Variants in RNASEH1 observed in about 807,000 individuals in gnomAD.
RNASEH1 encodes ribonuclease H1, also known as ribonuclease H type II.
RNASEH1 carries 27 observed loss-of-function variants against 34.6 expected under a neutral mutation model. The ratio of observed to expected loss-of-function variants is 0.78; its 90% confidence interval spans 0.58 to 1.08. RNASEH1 has a LOEUF of 1.08. RNASEH1 is among the 50% of genes least tolerant of loss of function. RNASEH1 has a pLI of 0.00. For synonymous variants in RNASEH1, 162 were observed against 138.4 expected (o/e 1.17, Z -1.20); for missense variants, 349 against 373.6 (o/e 0.93, Z 0.54).
downstream of RNASEH1, chr2:3,536,852 T>TGCAGAGGCTCCTTCCTGGCTC (rs1247883052): frequency 1.3e-5 from 2 of 152,320 alleles, no homozygotes; most frequent in African/African-American, 4.8e-5. Flanking sequence ...GTTCCGTTTC[T>TGCAGAGGCTCCTTCCTGGCTC]GCAGAGGCTC....
Position 3,545,290 on chromosome 2 carries a change from C to A in RNASEH1, c.*495G>T, listed in dbSNP as rs867189506. 6.1e-6 allele frequency: 1 copy of A among 164,564 alleles called. No individual in the cohort carries two copies. Among genetic ancestry groups the A allele is most frequent in the Non-Finnish European group, 1.3e-5 (1 of 74,706 alleles). 10.2% of individuals were successfully genotyped at this position (164,564 alleles called of 1,614,324 possible). A position where few individuals can be genotyped will look rare whatever the true frequency, so the allele number is the denominator to read the frequency against. The stretch of plus-strand genomic sequence containing the variant: ...GGGCTGAGACCCAGCACACATCCTG[C>A]CCACTGAGCTGTCCGCCCAGGCCCT... On this transcript the variant is annotated 3_prime_UTR_variant, in exon 8 of 8. Coordinates refer to ENST00000315212, the MANE Select transcript of RNASEH1 (RefSeq NM_002936.6).
intron 3 of RNASEH1, among the ~76,000 whole-genome samples, chr2:3,550,890 T>C (rs910560251): frequency 3.9e-5 from 6 of 152,254 alleles, no homozygotes; most frequent in African/African-American, 1.4e-4. Flanking sequence ...CCCAGTCTCC[T>C]GACCAGTGCT....
downstream of RNASEH1, among the ~76,000 whole-genome samples, chr2:3,538,865 G>T (rs1419648863): frequency 6.6e-6 from 1 of 152,196 alleles, no homozygotes; most frequent in Non-Finnish European, 1.5e-5. Flanking sequence ...GTGAGCACAC[G>T]TTTCCAGGCA....
At position 3,543,458 on chromosome 2, in the gene RNASEH1, CTGTGCACACATGTATGCACACA is replaced by C. The variant is rs1373822652; in HGVS notation, c.*2305_*2326del. ...AGCTATCAATGACTGTGCGTGTGGT[CTGTGCACACATGTATGCACACA>C]TGTGCACACTTATCAAAAGAAAGCA... On this transcript the variant is annotated 3_prime_UTR_variant, in exon 8 of 8. Coordinates refer to ENST00000315212, the MANE Select transcript of RNASEH1 (RefSeq NM_002936.6). Among the ~76,000 whole-genome samples, 3 of 152,182 alleles carry C rather than the reference CTGTGCACACATGTATGCACACA, an allele frequency of 2.0e-5. No homozygotes were observed. The highest frequency in any genetic ancestry group is 1.9e-4 in the East Asian group (1 of 5,170).
downstream of RNASEH1, among the ~76,000 whole-genome samples, chr2:3,538,904 T>C (rs1668139371): frequency 6.6e-6 from 1 of 152,248 alleles, no homozygotes; most frequent in Non-Finnish European, 1.5e-5. Flanking sequence ...CTGTTGCTAA[T>C]ATCATACAGA....
Position 3,547,986 on chromosome 2 carries a change from T to C in RNASEH1, c.719A>G (p.Asn240Ser). The C allele has an allele frequency of 6.2e-7, 1 of 1,613,802 alleles. No homozygotes were observed. Among genetic ancestry groups the C allele is most frequent in the South Asian group, 1.1e-5 (1 of 91,070 alleles). Reference protein sequence around the residue: ...WKTSAGKEVINKEDFVALERL... With the variant: ...WKTSAGKEVISKEDFVALERL... Reference sequence around the variant, plus strand: ...CTCCAGTGCCACAAAGTCCTCTTTGTTGATCACCTCTTTCCCTGCACTTGT... The same window carrying C: ...CTCCAGTGCCACAAAGTCCTCTTTGCTGATCACCTCTTTCCCTGCACTTGT... Residue 240 changes from asparagine (N) to serine (S), a missense_variant, in exon 7 of 8, where the codon AAC becomes AGC. By Grantham distance (46) the Asn-to-Ser change is conservative. Coordinates refer to ENST00000315212, the MANE Select transcript of RNASEH1 (RefSeq NM_002936.6).
chr2:3,531,961 A>G, the RNASEH1 span: 2 of 363,662 alleles, frequency 5.5e-6, no homozygotes, highest in Non-Finnish European at 1.0e-5. Flanking sequence ...CCTGCCGTAT[A>G]GCTGAGGCCG....
chr2:3,549,085 C>A lies in RNASEH1; in HGVS notation c.537G>T (p.Arg179=). 6.2e-7 allele frequency: 1 copy of A among 1,613,632 alleles called. No homozygotes were observed. The highest frequency in any genetic ancestry group is 8.5e-7 in the Non-Finnish European group (1 of 1,179,568). ...GAATTTCCGCTCTTTGGTTTGTCTG[C>A]CGCCCAGGAAGTCTAATGCCTACAT... ...PLNVGIRLPG[R]QTNQRAEIHA... Residue 179 remains arginine (R), a synonymous_variant, in exon 5 of 8, where the codon CGG becomes CGT. Coordinates refer to ENST00000315212, the MANE Select transcript of RNASEH1 (RefSeq NM_002936.6).
At chr2:3,539,463 G>A (rs901776132), downstream of RNASEH1, among the ~76,000 whole-genome samples, 2 of 152,172 alleles carry the variant, frequency 1.3e-5, no homozygotes, top group African/African-American at 4.8e-5. Flanking sequence ...CACAATATCA[G>A]AGTCACCTTG....
At chr2:3,541,308 G>A (rs1434671266), downstream of RNASEH1, among the ~76,000 whole-genome samples, 4 of 149,328 alleles carry the variant, frequency 2.7e-5, no homozygotes, top group Non-Finnish European at 4.4e-5. Flanking sequence ...CAGCCTGGGT[G>A]ACAGAGTGAG....
At chr2:3,558,046 AGGCTCCCGCCGCCGGGGTTAGCCG>A (rs1660713174) in intron 1 of RNASEH1, 63 bp downstream of exon 1, 3 of 1,482,354 alleles carry the variant, frequency 2.0e-6, no homozygotes, top group African/African-American at 2.9e-5. Context: ...TCGGACCGCC[AGGCTCCCGCCGCCGGGGTTAGCCG>A]GGCTCCGGCC....
At position 3,543,292 on chromosome 2, in the gene RNASEH1, T is replaced by C. The variant is rs1028250804; in HGVS notation, c.*2493A>G. Among the ~76,000 whole-genome samples, 5 of 152,234 alleles carry C rather than the reference T, an allele frequency of 3.3e-5. No homozygotes were observed. The highest frequency in any genetic ancestry group is 1.2e-4 in the African/African-American group (5 of 41,472). On this transcript the variant is annotated 3_prime_UTR_variant, in exon 8 of 8. Transcript: ENST00000315212. ...GGAGAACGTTCTGAACCACTTTTGGTCCTGAGTGCTACCCAGCTGAAGAAA... is the reference window on the plus strand; with the variant it reads ...GGAGAACGTTCTGAACCACTTTTGGCCCTGAGTGCTACCCAGCTGAAGAAA...
chr2:3,549,186 G>A (rs932555806), intron 4 of RNASEH1, 74 bp from the exon 5 acceptor site: 8 of 1,073,050 alleles, frequency 7.5e-6, no homozygotes, highest in Non-Finnish European at 1.2e-5. Context: ...AATGGATAAC[G>A]ATAAACTAGT....
At chr2:3,549,940 C>T (rs1466194208) in intron 4 of RNASEH1, among the ~76,000 whole-genome samples, 4 of 145,490 alleles carry the variant, frequency 2.7e-5, no homozygotes, top group Middle Eastern at 3.3e-3. Flanking sequence ...AGTGAGACTC[C>T]GTCTCAGGAA....
chr2:3,538,610 T>A (rs1362967108), downstream of RNASEH1, among the ~76,000 whole-genome samples: 1 of 152,174 alleles, frequency 6.6e-6, no homozygotes, highest in Non-Finnish European at 1.5e-5. Flanking sequence ...CTGTGGGTAC[T>A]TATGGGGTCT....
At chr2:3,532,353 A>G in the RNASEH1 span, 1 of 702,368 alleles carries the variant, frequency 1.4e-6, no homozygotes. Context: ...AGTGGTTCAC[A>G]GGTGCCAGCC....
Position 3,549,074 on chromosome 2 carries a change from T to C in RNASEH1, c.548A>G (p.Gln183Arg), listed in dbSNP as rs773236662. ...ATAACTTACATGAATTTCCGCTCTTTGGTTTGTCTGCCGCCCAGGAAGTCT... is the reference window on the plus strand; with the variant it reads ...ATAACTTACATGAATTTCCGCTCTTCGGTTTGTCTGCCGCCCAGGAAGTCT... ...GIRLPGRQTNQRAEIHAACKA... is the reference protein window; with the variant it reads ...GIRLPGRQTNRRAEIHAACKA... Residue 183 changes from glutamine (Q) to arginine (R), a missense_variant, in exon 5 of 8, where the codon CAA (glutamine) becomes CGA (arginine). Physicochemically the swap from Gln to Arg is conservative, Grantham distance 43. Coordinates refer to ENST00000315212, the MANE Select transcript of RNASEH1 (RefSeq NM_002936.6). The C allele has an allele frequency of 6.2e-7, 1 of 1,613,630 alleles. No individual in the cohort carries two copies. The highest frequency in any genetic ancestry group is 8.5e-7 in the Non-Finnish European group (1 of 1,179,660).
the RNASEH1 span, chr2:3,533,905 C>CCGA: frequency 1.3e-5 from 2 of 152,270 alleles, no homozygotes; most frequent in African/African-American, 2.4e-5. Context: ...CCAGTGAAGC[C>CCGA]CGACCTTCAA....
chr2:3,539,065 CTTATA>C (rs1336158373), downstream of RNASEH1, among the ~76,000 whole-genome samples: 1 of 151,914 alleles, frequency 6.6e-6, no homozygotes, highest in Non-Finnish European at 1.5e-5. Context: ...ATTTCTAGTT[CTTATA>C]TATTAGGGAA....
Sources: gnomAD v4.1 joint callset for allele counts (sites outside exome capture counted in the v4.1 genomes callset) on GRCh38, gnomAD v4.1.1 for gene constraint, MANE v1.5 for transcripts, NCBI Gene and HGNC (gene_info 2026-07-23, HGNC 2026-07-21) for gene names.